The following LGR4 variants were observed in gnomAD, a reference collection of about 807,000 sequenced individuals.
LGR4 encodes leucine rich repeat containing G protein-coupled receptor 4.
Under a neutral mutation model 84.8 loss-of-function variants are expected in LGR4, and 44 were observed. That is an observed-to-expected ratio of 0.52 (90% confidence interval 0.41 to 0.67). The LOEUF is 0.67. LGR4 is among the 30% of genes least tolerant of loss of function. The pLI is 0.00. For missense variants in LGR4, 1,032 were observed against 1,131.4 expected (o/e 0.91, Z 1.26); for synonymous variants, 429 against 434.3 (o/e 0.99, Z 0.15).
chr11:27,380,978 G>A lies in LGR4; in HGVS notation c.759-12C>T. On this transcript the variant is annotated splice_polypyrimidine_tract_variant and intron_variant, in intron 7 of 17. Transcript: ENST00000379214. ...TACTATGAAATCCTCTAGAAAGATA[G>A]GAGAAAAGTATTTTGAAATGCATTA... The A allele has an allele frequency of 7.0e-7, 1 of 1,432,310 alleles. No individual in the cohort carries two copies. The allele number at this position is 1,432,310 out of a possible 1,614,324, so 88.7% of individuals were successfully genotyped here.
intron 1 of LGR4, among the ~76,000 whole-genome samples, chr11:27,438,890 T>C (rs1213849594): frequency 2.0e-5 from 3 of 152,128 alleles, no homozygotes; most frequent in Non-Finnish European, 1.5e-5. Flanking sequence ...ATACCTCCAA[T>C]AACCACCTGA....
At chr11:27,469,297 A>G (rs902475630) in intron 1 of LGR4, among the ~76,000 whole-genome samples, 1 of 152,188 alleles carries the variant, frequency 6.6e-6, no homozygotes, top group African/African-American at 2.4e-5. Context: ...ACCAGCCTCA[A>G]GGAGAAGAAG....
At chr11:27,401,825 G>A (rs193293434) in intron 2 of LGR4, among the ~76,000 whole-genome samples, 2 of 152,286 alleles carry the variant, frequency 1.3e-5, no homozygotes, top group Admixed American at 1.3e-4. Flanking sequence ...GTGACAACAG[G>A]CCCTGCCCTT....
chr11:27,366,307 C>T lies in LGR4; in HGVS notation c.*1560G>A, dbSNP rs926604743. On this transcript the variant is annotated 3_prime_UTR_variant, in exon 18 of 18. Coordinates refer to ENST00000379214, the MANE Select transcript of LGR4 (RefSeq NM_018490.5). ...AAAGATTCTGTTTTTATTACACTGA[C>T]AATGTACAACAAAGACTATTTACAA... The T allele has an allele frequency of 2.0e-5, 3 of 152,486 alleles. No homozygotes were observed. Among genetic ancestry groups the T allele is most frequent in the Admixed American group, 1.3e-4 (2 of 15,268 alleles). The allele number at this position is 152,486 out of a possible 1,614,324, so 9.4% of individuals were successfully genotyped here.
At position 27,434,629 on chromosome 11, in the gene LGR4, A is replaced by G. The variant is rs535782252; in HGVS notation, c.186-21769T>C. 3.9e-5 allele frequency among the ~76,000 whole-genome samples: 6 copies of G among 152,300 alleles called. No individual in the cohort carries two copies. In the South Asian group the frequency reaches 1.0e-3, roughly 26 times the overall value. On this transcript the variant is annotated intron_variant, in intron 1 of 17. Coordinates refer to ENST00000379214, the MANE Select transcript of LGR4 (RefSeq NM_018490.5). ...GCCAGAGATACTAAACGCAGTGGCT[A>G]AAGACAATCTGTCAAGGACACTAGA...
chr11:27,373,575 G>A lies in LGR4; in HGVS notation c.1355C>T (p.Ala452Val), dbSNP rs145733785. The change falls in exon 15 of 18, where the codon GCA becomes GTA. Residue 452 changes from alanine (A) to valine (V), a missense_variant. Coordinates refer to ENST00000379214, the MANE Select transcript of LGR4 (RefSeq NM_018490.5). ...CCTGAGGTTAACAAAGTCTTTTGCT[G>A]CTAAGGCTTCTTTCAGCTTGAAGTT... is the stretch of plus-strand genomic sequence containing the variant. ...VGNFKLKEAL[A>V]AKDFVNLRSL... 3.8e-6 allele frequency: 6 copies of A among 1,594,492 alleles called. No homozygotes were observed. In the African/African-American group the frequency reaches 5.4e-5, roughly 14 times the overall value.
chr11:27,441,558 A>C (rs923970909), intron 1 of LGR4, among the ~76,000 whole-genome samples: 5 of 152,220 alleles, frequency 3.3e-5, no homozygotes, highest in Admixed American at 3.3e-4. Context: ...GAAAGAAATG[A>C]ATGATAGAGA....
At chr11:27,414,365 G>A (rs967356459) in intron 1 of LGR4, among the ~76,000 whole-genome samples, 1 of 151,196 alleles carries the variant, frequency 6.6e-6, no homozygotes, top group African/African-American at 2.4e-5. Flanking sequence ...ATGAATCTCT[G>A]GAAGAGCACT....
chr11:27,423,227 C>G (rs1863954743), intron 1 of LGR4, among the ~76,000 whole-genome samples: 1 of 152,220 alleles, frequency 6.6e-6, no homozygotes, highest in Admixed American at 6.5e-5. Flanking sequence ...GCTCCAGTTT[C>G]TAAGACACTA....
At chr11:27,416,746 G>C (rs897813557) in intron 1 of LGR4, among the ~76,000 whole-genome samples, 1 of 152,034 alleles carries the variant, frequency 6.6e-6, no homozygotes, top group Middle Eastern at 3.2e-3. Flanking sequence ...CACCTTCCTA[G>C]AAAAATAAAC....
Position 27,385,334 on chromosome 11 carries a change from A to T in LGR4, c.536T>A (p.Leu179Gln). The change falls in exon 5 of 18, where the codon CTA becomes CAA. Residue 179 changes from leucine (L) to glutamine (Q), a missense_variant. Leu to Gln is a moderately radical substitution (Grantham distance 113). Coordinates refer to ENST00000379214, the MANE Select transcript of LGR4 (RefSeq NM_018490.5). ...GTTGAGAGCCAGGGTCAGCGCCTGT[A>T]GGGTGGGCAGATTGCTGAGGGGGTG... ...PVHPLSNLPT[L>Q]QALTLALNKI... 6.2e-7 allele frequency: 1 copy of T among 1,611,492 alleles called. No homozygotes were observed. Among genetic ancestry groups the T allele is most frequent in the Admixed American group, 1.7e-5 (1 of 59,420 alleles).
intron 1 of LGR4, among the ~76,000 whole-genome samples, chr11:27,451,068 A>G (rs1440485704): frequency 1.3e-5 from 2 of 152,208 alleles, no homozygotes; most frequent in East Asian, 3.9e-4. Flanking sequence ...AAAACACTAC[A>G]GTTTTTAGTA....
At chr11:27,447,769 T>C (rs567254670) in intron 1 of LGR4, among the ~76,000 whole-genome samples, 1 of 152,212 alleles carries the variant, frequency 6.6e-6, no homozygotes, top group Non-Finnish European at 1.5e-5. Flanking sequence ...TCTAGAAATG[T>C]ATGTCTATTG....
chr11:27,472,375 G>A lies in LGR4; in HGVS notation c.-73C>T. The A allele has an allele frequency of 8.0e-6, 9 of 1,123,390 alleles. No individual in the cohort carries two copies. The highest frequency in any genetic ancestry group is 8.9e-6 in the Non-Finnish European group (8 of 898,422). The allele number at this position is 1,123,390 out of a possible 1,614,324, so 69.6% of individuals were successfully genotyped here. On this transcript the variant is annotated 5_prime_UTR_variant, in exon 1 of 18. Transcript: ENST00000379214. ...CCGCTGCCCTCCGATGTCCCCCGCCGCCCCCGGGCAGCCGGCCTGCGGGCT... is the reference window on the plus strand; with the variant it reads ...CCGCTGCCCTCCGATGTCCCCCGCCACCCCCGGGCAGCCGGCCTGCGGGCT...
At chr11:27,444,661 A>C in intron 1 of LGR4, among the ~76,000 whole-genome samples, 1 of 152,240 alleles carries the variant, frequency 6.6e-6, no homozygotes, top group Non-Finnish European at 1.5e-5. Context: ...TAAGAATCAG[A>C]ATGTCCAGCT....
intron 1 of LGR4, among the ~76,000 whole-genome samples, chr11:27,433,856 C>T (rs1357978389): frequency 6.6e-6 from 1 of 152,172 alleles, no homozygotes; most frequent in East Asian, 1.9e-4. Context: ...AAACTTTGGC[C>T]ATGTGACCTG....
chr11:27,384,034 A>C (rs1275198032), intron 6 of LGR4, among the ~76,000 whole-genome samples: 1 of 152,238 alleles, frequency 6.6e-6, no homozygotes, highest in Admixed American at 6.5e-5. Context: ...TCTAACTTCC[A>C]AAACTGTCAT....
intron 4 of LGR4, among the ~76,000 whole-genome samples, chr11:27,390,128 A>G (rs932659778): frequency 3.9e-4 from 59 of 152,148 alleles, no homozygotes; most frequent in African/African-American, 1.4e-3. Context: ...GTAACCTATA[A>G]TTTATAATTT....
chr11:27,397,846 G>A (rs1409800999), intron 2 of LGR4, among the ~76,000 whole-genome samples: 1 of 152,148 alleles, frequency 6.6e-6, no homozygotes, highest in Admixed American at 6.6e-5. Flanking sequence ...TTACCTCAAG[G>A]CAACTCCCAC....
Sources: gnomAD v4.1 joint callset for allele counts (sites outside exome capture counted in the v4.1 genomes callset) on GRCh38, gnomAD v4.1.1 for gene constraint, MANE v1.5 for transcripts, NCBI Gene and HGNC (gene_info 2026-07-23, HGNC 2026-07-21) for gene names.